Variants in ZNF75D observed in about 807,000 individuals in gnomAD.
The protein encoded by ZNF75D is zinc finger protein 75D.
Under a neutral mutation model 33.3 loss-of-function variants are expected in ZNF75D, and 33 were observed. That is an observed-to-expected ratio of 0.99 (90% CI 0.75 to 1.32). The LOEUF is 1.32. Among genes scored for constraint, ZNF75D ranks in the 40% most tolerant of loss-of-function variants. The probability of loss-of-function intolerance (pLI) is 0.00; values close to 1 mark genes in which losing one functional copy is unlikely to be tolerated. For missense variants in ZNF75D, 338 were observed against 367.5 expected, an observed-to-expected ratio of 0.92 and a Z score of 0.66; for synonymous variants, 113 against 130.6, an observed-to-expected ratio of 0.87 and a Z score of 0.92.
intron 5 of ZNF75D, 61 bp downstream of exon 5, chrX:135,291,411 G>A (rs2084035904): frequency 8.6e-7 from 1 of 1,164,969 alleles, no homozygotes; most frequent in African/African-American, 1.8e-5. Context: ...TAGGCAATAG[G>A]GACAAGCAGA....
At chrX:135,301,265 C>T (rs1455349057) in intron 1 of ZNF75D, among the ~76,000 whole-genome samples, 1 of 111,513 alleles carries the variant, frequency 9.0e-6, no homozygotes, top group Non-Finnish European at 1.9e-5. Context: ...GATTACAGGT[C>T]CCTCCCTCGA....
At chrX:135,264,865 A>G (rs2083856762) in intron 1 of ZNF75D, among the ~76,000 whole-genome samples, 1 of 111,859 alleles carries the variant, frequency 8.9e-6, no homozygotes, top group Admixed American at 9.4e-5. Context: ...AAAAAATAAT[A>G]AAAAACAGTG....
intron 1 of ZNF75D, among the ~76,000 whole-genome samples, chrX:135,275,026 G>C (rs782571017): frequency 8.9e-6 from 1 of 111,991 alleles, no homozygotes; most frequent in East Asian, 2.8e-4. Flanking sequence ...TAATTCATAA[G>C]TTACCTAAAA....
At chrX:135,263,122 G>A (rs782499644) in intron 1 of ZNF75D, among the ~76,000 whole-genome samples, 9 of 112,617 alleles carry the variant, frequency 8.0e-5, no homozygotes, top group Non-Finnish European at 1.3e-4. Context: ...TATCACCAGC[G>A]GAGGCTGAAG....
intron 1 of ZNF75D, among the ~76,000 whole-genome samples, chrX:135,336,670 TA>T (rs1415341834): frequency 8.9e-6 from 1 of 112,298 alleles, no homozygotes; most frequent in African/African-American, 3.2e-5. Flanking sequence ...CCGGGGCCTT[TA>T]GCCCTGGTGC....
intron 1 of ZNF75D, among the ~76,000 whole-genome samples, chrX:135,334,271 T>C (rs1321985079): frequency 9.0e-6 from 1 of 111,623 alleles, no homozygotes; most frequent in Non-Finnish European, 1.9e-5. Context: ...CCAGGCCAGG[T>C]TGGGGTAGAG....
chrX:135,293,934 T>C lies in ZNF75D; in HGVS notation c.207A>G (p.Gln69=), dbSNP rs2084085880. 4 of 1,211,250 alleles carry C rather than the reference T, an allele frequency of 3.3e-6. No homozygotes were observed. Among genetic ancestry groups the C allele is most frequent in the South Asian group, 1.8e-5 (1 of 56,941 alleles). Residue 69 remains glutamine (Q), a synonymous_variant, in exon 3 of 7, where the codon CAA becomes CAG. Transcript: ENST00000370766. The part of the protein sequence containing the change: ...EATGPLETIS[Q]LQKLCHQWLR... ...GCCACTGATGGCACAATTTCTGAAG[T>C]TGGCTGATAGTCTCAAGCGGTCCGG...
chrX:135,317,395 G>T (rs782131858), intron 1 of ZNF75D, among the ~76,000 whole-genome samples: 2 of 111,578 alleles, frequency 1.8e-5, no homozygotes, highest in Admixed American at 1.9e-4. Flanking sequence ...GGGTCCCAGG[G>T]TGGCGTACAC....
chrX:135,297,865 A>G (rs968782752), intron 1 of ZNF75D: 63 of 112,240 alleles, frequency 5.6e-4, no homozygotes, highest in African/African-American at 2.0e-3. Flanking sequence ...GGAAACTGGA[A>G]GTCTGACATC....
downstream of ZNF75D, among the ~76,000 whole-genome samples, chrX:135,281,168 T>C (rs1487817168): frequency 9.0e-6 from 1 of 110,683 alleles, no homozygotes; most frequent in African/African-American, 3.3e-5. Flanking sequence ...CCCATATTTC[T>C]TGGAGGCTTT....
chrX:135,318,282 A>C (rs2084448763), intron 1 of ZNF75D, among the ~76,000 whole-genome samples: 3 of 109,270 alleles, frequency 2.7e-5, no homozygotes, highest in African/African-American at 1.0e-4. Flanking sequence ...GAAGGTGTTC[A>C]GAAGAGGTTC....
At chrX:135,263,775 G>T (rs2083852483) in intron 1 of ZNF75D, among the ~76,000 whole-genome samples, 1 of 112,753 alleles carries the variant, frequency 8.9e-6, no homozygotes, top group Non-Finnish European at 1.9e-5. Context: ...TGCTTCCTGG[G>T]TGAGGCGACA....
chrX:135,325,083 T>G (rs1556436815), intron 1 of ZNF75D, among the ~76,000 whole-genome samples: 2 of 109,930 alleles, frequency 1.8e-5, no homozygotes, highest in Non-Finnish European at 3.8e-5. Flanking sequence ...GAGACACACT[T>G]TCAAGGAAAT....
intron 2 of ZNF75D, among the ~76,000 whole-genome samples, chrX:135,294,818 G>C (rs1556422313): frequency 9.0e-6 from 1 of 111,727 alleles, no homozygotes; most frequent in Non-Finnish European, 1.9e-5. Context: ...GATCAGAGTA[G>C]AAGTAAAGTA....
chrX:135,324,744 A>C (rs2084539956), intron 1 of ZNF75D, among the ~76,000 whole-genome samples: 1 of 112,320 alleles, frequency 8.9e-6, no homozygotes, highest in African/African-American at 3.2e-5. Context: ...CCACGCTCTA[A>C]CATTAGGAGA....
intron 6 of ZNF75D, among the ~76,000 whole-genome samples, chrX:135,288,953 T>A (rs966888205): frequency 2.7e-5 from 3 of 112,483 alleles, no homozygotes; most frequent in African/African-American, 9.7e-5. Flanking sequence ...GTTTTGTTTT[T>A]TATATATATC....
At chrX:135,297,658 AATAAGGTCATG>A (rs782268393) in intron 1 of ZNF75D, 72 of 112,942 alleles carry the variant, frequency 6.4e-4, no homozygotes, top group Non-Finnish European at 1.0e-3. Flanking sequence ...TGTAATTTTG[AATAAGGTCATG>A]ATGAGCAAGA....
At chrX:135,339,173 T>C (rs2084753000) in intron 1 of ZNF75D, among the ~76,000 whole-genome samples, 2 of 111,184 alleles carry the variant, frequency 1.8e-5, no homozygotes, top group African/African-American at 3.3e-5. Context: ...TGTTTGCCAT[T>C]TTCCCCTCTA....
chrX:135,257,888 T>G (rs181410130), intron 1 of ZNF75D, among the ~76,000 whole-genome samples: 1 of 110,622 alleles, frequency 9.0e-6, no homozygotes, highest in Admixed American at 9.7e-5. Flanking sequence ...TTTATACATG[T>G]GCCATGCTGG....
Sources: allele counts gnomAD v4.1 joint callset (sites outside exome capture counted in the v4.1 genomes callset), GRCh38; gene constraint gnomAD v4.1.1; transcripts MANE v1.5; gene names NCBI Gene and HGNC (gene_info 2026-07-23, HGNC 2026-07-21).